Variants in SACM1L observed in about 807,000 individuals in gnomAD.
SACM1L encodes the protein phosphatidylinositol-3-phosphatase SAC1.
SACM1L carries 32 observed loss-of-function variants against 89.5 expected under a neutral mutation model. That is an observed-to-expected ratio of 0.36 (90% CI 0.27 to 0.48). SACM1L has a LOEUF of 0.48. Among genes scored for constraint, SACM1L ranks in the 20% least tolerant of loss-of-function variants. The pLI is 0.99. For synonymous variants in SACM1L, 213 were observed against 232.8 expected (o/e 0.92, Z 0.77); for missense variants, 543 against 708.5 (o/e 0.77, Z 2.65).
intron 6 of SACM1L, chr3:45,713,560 C>T (rs533888195): frequency 1.1e-5 from 2 of 177,406 alleles, no homozygotes; most frequent in East Asian, 3.1e-4. Flanking sequence ...CTTCAGTCAC[C>T]CAGGAGAGAC....
chr3:45,696,483 G>A (rs1188790694), intron 1 of SACM1L, among the ~76,000 whole-genome samples: 3 of 152,152 alleles, frequency 2.0e-5, no homozygotes, highest in East Asian at 3.9e-4. Flanking sequence ...GTATATACCC[G>A]GAAGTGGAAT....
intron 8 of SACM1L, among the ~76,000 whole-genome samples, chr3:45,720,793 C>T (rs919254071): frequency 1.3e-5 from 2 of 152,114 alleles, no homozygotes; most frequent in Non-Finnish European, 2.9e-5. Flanking sequence ...TGATTTGGCT[C>T]AATAATTTTG....
rs1698406423 is a variant in SACM1L at position 45,706,760 on chromosome 3, G to C, written c.206-20G>C. ...AGTTACTATTTTTATAATTATGTGT[G>C]TTTGGCTTGCTTTTTGCAGGTAATT... is the stretch of plus-strand genomic sequence containing the variant. On this transcript the variant is annotated intron_variant, in intron 3 of 19. Transcript: ENST00000389061. The C allele has an allele frequency of 6.3e-7, 1 of 1,579,354 alleles. No homozygotes were observed. Among genetic ancestry groups the C allele is most frequent in the Admixed American group, 1.8e-5 (1 of 55,310 alleles).
chr3:45,699,791 G>C (rs1423610915), intron 1 of SACM1L, among the ~76,000 whole-genome samples: 1 of 151,950 alleles, frequency 6.6e-6, no homozygotes, highest in Non-Finnish European at 1.5e-5. Context: ...TAAAGTGCTG[G>C]GATTACAGGT....
At chr3:45,737,172 A>G (rs184672271) in intron 14 of SACM1L, 345 of 180,568 alleles carry the variant, frequency 1.9e-3, no homozygotes, top group African/African-American at 7.6e-3. Context: ...ACAGAGGGTA[A>G]GGCTGGGGTG....
chr3:45,739,556 AATG>A (rs1385407000), intron 18 of SACM1L, 28 bp from the exon 19 acceptor site: 1 of 1,608,096 alleles, frequency 6.2e-7, no homozygotes, highest in African/African-American at 1.3e-5. Context: ...AGCATTCTTA[AATG>A]ATGATCTCTT....
intron 16 of SACM1L, 93 bp from the exon 17 acceptor site, chr3:45,738,485 C>A: frequency 1.4e-6 from 1 of 700,464 alleles, no homozygotes; most frequent in South Asian, 1.9e-5. Context: ...ATCTGTCACT[C>A]ACTTATTTCT....
At chr3:45,696,482 C>A (rs915865616) in intron 1 of SACM1L, among the ~76,000 whole-genome samples, 1 of 152,042 alleles carries the variant, frequency 6.6e-6, no homozygotes, top group African/African-American at 2.4e-5. Context: ...AGTATATACC[C>A]GGAAGTGGAA....
At chr3:45,699,283 TAAAATA>T (rs1698204350) in intron 1 of SACM1L, among the ~76,000 whole-genome samples, 1 of 150,272 alleles carries the variant, frequency 6.7e-6, no homozygotes, top group Non-Finnish European at 1.5e-5. Flanking sequence ...AAAGTATAAT[TAAAATA>T]AATAAATAAA....
At chr3:45,689,591 G>T (rs1048974860) in intron 1 of SACM1L, 94 bp downstream of exon 1, 1 of 1,399,174 alleles carries the variant, frequency 7.1e-7, no homozygotes, top group African/African-American at 1.4e-5. Context: ...CCGGATTGCA[G>T]ATAGGGTGTG....
At chr3:45,701,273 T>C (rs905224844) in intron 1 of SACM1L, among the ~76,000 whole-genome samples, 1 of 152,188 alleles carries the variant, frequency 6.6e-6, no homozygotes, top group Admixed American at 6.5e-5. Flanking sequence ...TTATAGCCTT[T>C]AGACTTTTAC....
At chr3:45,708,342 G>C (rs765723251) in intron 4 of SACM1L, among the ~76,000 whole-genome samples, 8 of 151,972 alleles carry the variant, frequency 5.3e-5, no homozygotes, top group Non-Finnish European at 1.0e-4. Flanking sequence ...ATTGTTTAGA[G>C]ATATATATAC....
intron 11 of SACM1L, among the ~76,000 whole-genome samples, chr3:45,725,301 A>T (rs200380632): frequency 1.0e-5 from 1 of 96,106 alleles, no homozygotes; most frequent in Non-Finnish European, 2.3e-5. Flanking sequence ...TCTTAATAAT[A>T]TTGTTAGTCC....
At chr3:45,712,200 T>G (rs1450730363) in intron 5 of SACM1L, among the ~76,000 whole-genome samples, 2 of 152,182 alleles carry the variant, frequency 1.3e-5, no homozygotes, top group Non-Finnish European at 2.9e-5. Flanking sequence ...TTGGTATGCT[T>G]CATAAATAGA....
chr3:45,735,322 C>T lies in SACM1L; in HGVS notation c.1188C>T (p.Thr396=), dbSNP rs895812441. 3.1e-6 allele frequency: 5 copies of T among 1,602,542 alleles called. No homozygotes were observed. The African/African-American group carries it at 5.4e-5, about 17-fold the overall frequency. The part of the protein sequence containing the change: ...RSNCMDCLDR[T]NVIQSLLARR... ...ATTGCATGGATTGTCTAGATAGAAC[C>T]AATGTGATCCAGAGTTTGTTAGCTC... Residue 396 remains threonine, a synonymous_variant, in exon 14 of 20, where the codon ACC becomes ACT. Coordinates refer to ENST00000389061, the MANE Select transcript of SACM1L (RefSeq NM_014016.5).
chr3:45,696,836 A>G (rs1282275349), intron 1 of SACM1L, among the ~76,000 whole-genome samples: 1 of 152,222 alleles, frequency 6.6e-6, no homozygotes, highest in Non-Finnish European at 1.5e-5. Context: ...TCGCAATGCC[A>G]ACACTGAAAG....
At chr3:45,712,783 C>T (rs1698558445) in intron 5 of SACM1L, among the ~76,000 whole-genome samples, 1 of 148,808 alleles carries the variant, frequency 6.7e-6, no homozygotes, top group Non-Finnish European at 1.5e-5. Context: ...AGGGCTAATG[C>T]CTAAACTGGA....
chr3:45,689,520 C>T (rs748917866), intron 1 of SACM1L, 23 bp downstream of exon 1: 2 of 1,566,058 alleles, frequency 1.3e-6, no homozygotes, highest in Non-Finnish European at 1.7e-6. Context: ...GGCCAGAGGC[C>T]TGAGGCGCGG....
intron 12 of SACM1L, 23 bp from the exon 13 acceptor site, chr3:45,732,030 C>T (rs765706214): frequency 7.1e-7 from 1 of 1,414,954 alleles, no homozygotes; most frequent in Non-Finnish European, 9.7e-7. Flanking sequence ...TGGTCGGTTT[C>T]TGAATATCTT....
Sources: allele counts gnomAD v4.1 joint callset (sites outside exome capture counted in the v4.1 genomes callset), GRCh38; gene constraint gnomAD v4.1.1; transcripts MANE v1.5; gene names NCBI Gene and HGNC (gene_info 2026-07-23, HGNC 2026-07-21).